Variants in PAPPA observed in about 807,000 individuals in gnomAD.
The protein encoded by PAPPA is pappalysin-1.
Under a neutral mutation model 164.0 loss-of-function variants are expected in PAPPA, and 60 were observed. The observed-to-expected ratio is 0.37, with a 90% CI of 0.30 to 0.45. The LOEUF is 0.45. PAPPA is among the 20% of genes least tolerant of loss of function. The pLI, the probability that PAPPA is intolerant of heterozygous loss-of-function variation, is 1.00. For missense variants in PAPPA, 1,782 were observed against 2,087.3 expected, an observed-to-expected ratio of 0.85 and a Z score of 2.85; for synonymous variants, 875 against 814.1, an observed-to-expected ratio of 1.07 and a Z score of -1.27.
At chr9:116,255,151 G>C (rs972553588) in intron 7 of PAPPA, among the ~76,000 whole-genome samples, 3 of 151,874 alleles carry the variant, frequency 2.0e-5, no homozygotes, top group Non-Finnish European at 2.9e-5. Context: ...TCTTCAAATA[G>C]TTTTTGTGGT....
At position 116,367,830 on chromosome 9, in the gene PAPPA, C is replaced by G. The variant is rs552481149; in HGVS notation, c.4605+76C>G. The G allele has an allele frequency of 6.3e-4, 605 of 960,806 alleles. 2 individuals carry two copies. Among genetic ancestry groups the G allele is most frequent in the Non-Finnish European group, 9.3e-5 (56 of 605,400 alleles). The allele number at this position is 960,806 out of a possible 1,614,324, so 59.5% of individuals were successfully genotyped here. On this transcript the variant is annotated intron_variant, in intron 19 of 21. Coordinates refer to ENST00000328252, the MANE Select transcript of PAPPA (RefSeq NM_002581.5). ...ATATTGTTGAGCACTTGCTATGTCC[C>G]GGTTCTGAGTTCATTCTTTCACACA...
intron 7 of PAPPA, among the ~76,000 whole-genome samples, chr9:116,252,736 C>T (rs150061909): frequency 2.6e-5 from 4 of 152,320 alleles, no homozygotes; most frequent in Admixed American, 6.5e-5. Flanking sequence ...AACATCTCAC[C>T]TCAGAGCCTC....
intron 6 of PAPPA, among the ~76,000 whole-genome samples, chr9:116,234,173 T>C (rs1270956004): frequency 6.6e-6 from 1 of 152,136 alleles, no homozygotes; most frequent in Middle Eastern, 3.2e-3. Flanking sequence ...TCCTCAGTAG[T>C]GCAAGGAAGA....
intron 2 of PAPPA, among the ~76,000 whole-genome samples, chr9:116,188,951 A>G (rs536984249): frequency 6.6e-6 from 1 of 152,308 alleles, no homozygotes; most frequent in Admixed American, 6.5e-5. Flanking sequence ...ATTAATTCTC[A>G]ATAGTATGTC....
intron 4 of PAPPA, among the ~76,000 whole-genome samples, chr9:116,218,473 T>A (rs1587957307): frequency 6.6e-6 from 1 of 152,194 alleles, no homozygotes; most frequent in East Asian, 1.9e-4. Context: ...TGGGAAGTGG[T>A]GTTTTTGGAA....
Position 116,402,178 on chromosome 9 carries a change from G to A in PAPPA, c.*5562G>A, listed in dbSNP as rs575186521. The A allele has an allele frequency of 6.6e-6, 1 of 152,414 alleles. No homozygotes were observed. Among genetic ancestry groups the A allele is most frequent in the Non-Finnish European group, 1.5e-5 (1 of 67,986 alleles). 9.4% of individuals were successfully genotyped at this position (152,414 alleles called of 1,614,324 possible). A position where few individuals can be genotyped will look rare whatever the true frequency, so the allele number is the denominator to read the frequency against. On this transcript the variant is annotated 3_prime_UTR_variant, in exon 22 of 22. Coordinates refer to ENST00000328252, the MANE Select transcript of PAPPA (RefSeq NM_002581.5). Reference sequence around the variant, plus strand: ...ATTTTTATCCTGTTCTCATGGATTTGTTTTCCCATACTGTTTTCTCTGATC... The same window carrying A: ...ATTTTTATCCTGTTCTCATGGATTTATTTTCCCATACTGTTTTCTCTGATC...
At chr9:116,379,107 G>A (rs913047117) in intron 20 of PAPPA, among the ~76,000 whole-genome samples, 10 of 152,156 alleles carry the variant, frequency 6.6e-5, no homozygotes, top group African/African-American at 9.7e-5. Context: ...GTGTGACAGC[G>A]GAATTCAATC....
At chr9:116,387,227 A>G (rs1185923624) in intron 21 of PAPPA, among the ~76,000 whole-genome samples, 1 of 152,302 alleles carries the variant, frequency 6.6e-6, no homozygotes, top group Non-Finnish European at 1.5e-5. Flanking sequence ...CAAGTAGAGC[A>G]CTGAGGTTGA....
At chr9:116,302,650 A>G in intron 9 of PAPPA, 107 bp from the exon 10 acceptor site, 1 of 816,484 alleles carries the variant, frequency 1.2e-6, no homozygotes, top group Non-Finnish European at 2.0e-6. Context: ...GATGGGCTTG[A>G]CAGTACCAAT....
Position 116,396,851 on chromosome 9 carries a change from A to G in PAPPA, c.*235A>G. ...TCCCAAAGTCTGAGATGGATTGCAT[A>G]TACAGTGTGCAGTCCCAGAGCCTCC... On this transcript the variant is annotated 3_prime_UTR_variant, in exon 22 of 22. Coordinates refer to ENST00000328252, the MANE Select transcript of PAPPA (RefSeq NM_002581.5). The G allele has an allele frequency of 3.6e-6, 2 of 560,528 alleles. No individual in the cohort carries two copies. Among genetic ancestry groups the G allele is most frequent in the Admixed American group, 3.1e-5 (1 of 32,440 alleles). The allele number at this position is 560,528 out of a possible 1,614,324, so 34.7% of individuals were successfully genotyped here.
chr9:116,215,887 C>A (rs1844364545), intron 4 of PAPPA, among the ~76,000 whole-genome samples: 1 of 152,072 alleles, frequency 6.6e-6, no homozygotes, highest in African/African-American at 2.4e-5. Flanking sequence ...AAGACCTGTA[C>A]ATATGTATGT....
chr9:116,396,165 CCTTT>C (rs1164322917), intron 21 of PAPPA, among the ~76,000 whole-genome samples: 1 of 152,118 alleles, frequency 6.6e-6, no homozygotes, highest in African/African-American at 2.4e-5. Context: ...AATTCTTATT[CCTTT>C]CTGAGCTTCA....
At chr9:116,182,575 T>C (rs1843919642) in intron 1 of PAPPA, among the ~76,000 whole-genome samples, 1 of 152,228 alleles carries the variant, frequency 6.6e-6, no homozygotes, top group Non-Finnish European at 1.5e-5. Flanking sequence ...ATACCCCTAA[T>C]GCCCAGAGTA....
At chr9:116,251,198 G>A (rs1477471819) in intron 7 of PAPPA, among the ~76,000 whole-genome samples, 3 of 152,144 alleles carry the variant, frequency 2.0e-5, no homozygotes, top group Admixed American at 1.3e-4. Context: ...TTACAAAATA[G>A]CGTTTTGATG....
At chr9:116,328,427 C>T (rs1176112141) in intron 10 of PAPPA, among the ~76,000 whole-genome samples, 3 of 152,154 alleles carry the variant, frequency 2.0e-5, no homozygotes, top group Admixed American at 1.3e-4. Context: ...CAGTGTGAGG[C>T]TTCTAGAGAT....
intron 10 of PAPPA, among the ~76,000 whole-genome samples, chr9:116,325,736 C>T (rs1845912593): frequency 1.3e-5 from 2 of 152,106 alleles, no homozygotes; most frequent in Non-Finnish European, 2.9e-5. Flanking sequence ...TCTGTCATTT[C>T]TGCCATGATT....
chr9:116,289,141 T>TATATAGC (rs1554748432), intron 9 of PAPPA, among the ~76,000 whole-genome samples: 1 of 40,384 alleles, frequency 2.5e-5, no homozygotes, highest in African/African-American at 8.9e-5. Context: ...TATATATATA[T>TATATAGC]ATATATATAT....
chr9:116,325,502 T>C (rs1312918372), intron 10 of PAPPA, among the ~76,000 whole-genome samples: 1 of 152,120 alleles, frequency 6.6e-6, no homozygotes, highest in Non-Finnish European at 1.5e-5. Context: ...TGGACGGTAT[T>C]TGAAGGAAAC....
At chr9:116,372,092 T>C (rs964936378) in intron 19 of PAPPA, among the ~76,000 whole-genome samples, 2 of 152,198 alleles carry the variant, frequency 1.3e-5, no homozygotes, top group African/African-American at 4.8e-5. Flanking sequence ...TCCCTGTACA[T>C]GCACTTTTCA....
Sources: gnomAD v4.1 joint callset for allele counts (sites outside exome capture counted in the v4.1 genomes callset) on GRCh38, gnomAD v4.1.1 for gene constraint, MANE v1.5 for transcripts, NCBI Gene and HGNC (gene_info 2026-07-23, HGNC 2026-07-21) for gene names.